Variants in TEAD1 observed in about 807,000 individuals in gnomAD.
The protein encoded by TEAD1 is TEA domain transcription factor 1, also known as transcriptional enhancer factor TEF-1.
In TEAD1, 9 loss-of-function variants were observed where a neutral mutation model predicts 54.9. That is an observed-to-expected ratio of 0.16 (90% CI 0.10 to 0.29). TEAD1 has a LOEUF of 0.29. TEAD1 is among the 10% of genes least tolerant of loss of function. TEAD1 has a pLI of 1.00. For missense variants in TEAD1, 387 were observed against 535.9 expected, an observed-to-expected ratio of 0.72 and a Z score of 2.74; for synonymous variants, 200 against 187.8, an observed-to-expected ratio of 1.07 and a Z score of -0.53.
intron 2 of TEAD1, among the ~76,000 whole-genome samples, chr11:12,677,600 C>A (rs1943124485): frequency 6.6e-6 from 1 of 152,090 alleles, no homozygotes; most frequent in Non-Finnish European, 1.5e-5. Flanking sequence ...GAATACAGAG[C>A]AACAATTATG....
chr11:12,851,494 TTTATTTTTTAAA>T (rs1343451805), intron 3 of TEAD1, among the ~76,000 whole-genome samples: 36 of 152,164 alleles, frequency 2.4e-4, no homozygotes, highest in Middle Eastern at 3.2e-3. Context: ...TGCAGTAAAA[TTTATTTTTTAAA>T]AAAATGGCTG....
At chr11:12,799,919 AAG>A (rs1946015083) in intron 3 of TEAD1, among the ~76,000 whole-genome samples, 1 of 152,166 alleles carries the variant, frequency 6.6e-6, no homozygotes, top group South Asian at 2.1e-4. Context: ...GTTTTTTTGA[AAG>A]AGAGGAGTTT....
At chr11:12,758,813 G>T (rs1470984657) in intron 2 of TEAD1, among the ~76,000 whole-genome samples, 1 of 152,162 alleles carries the variant, frequency 6.6e-6, no homozygotes, top group East Asian at 1.9e-4. Flanking sequence ...AAAGTGCTGG[G>T]ATTAGAGGCC....
At chr11:12,930,761 C>T (rs774499889) in intron 12 of TEAD1, among the ~76,000 whole-genome samples, 2 of 152,128 alleles carry the variant, frequency 1.3e-5, no homozygotes, top group Non-Finnish European at 2.9e-5. Flanking sequence ...TCAGCAGCAA[C>T]ATGGTATGCA....
chr11:12,891,982 T>C (rs1273160473), intron 9 of TEAD1, among the ~76,000 whole-genome samples: 2 of 152,118 alleles, frequency 1.3e-5, no homozygotes, highest in Admixed American at 1.3e-4. Context: ...GACGTGGATG[T>C]GGGAGTTAGC....
intron 9 of TEAD1, among the ~76,000 whole-genome samples, chr11:12,897,397 G>C (rs1948333419): frequency 6.6e-6 from 1 of 152,226 alleles, no homozygotes; most frequent in Non-Finnish European, 1.5e-5. Flanking sequence ...CCAACATACA[G>C]ATTTCTTCCT....
intron 12 of TEAD1, among the ~76,000 whole-genome samples, chr11:12,931,531 GGGACAGTGGC>G (rs1949010559): frequency 1.3e-5 from 2 of 152,238 alleles, no homozygotes; most frequent in African/African-American, 4.8e-5. Flanking sequence ...TGGTTCCATT[GGGACAGTGGC>G]TTTCAATCAG....
intron 3 of TEAD1, among the ~76,000 whole-genome samples, chr11:12,837,635 C>T (rs1590198961): frequency 2.0e-5 from 3 of 151,970 alleles, no homozygotes; most frequent in South Asian, 2.1e-4. Flanking sequence ...TTTGTGTTCA[C>T]GCATCTCTGG....
intron 3 of TEAD1, among the ~76,000 whole-genome samples, chr11:12,826,947 GGCT>G (rs1946669235): frequency 6.6e-6 from 1 of 152,094 alleles, no homozygotes; most frequent in South Asian, 2.1e-4. Context: ...TTTCCTTTGG[GGCT>G]CTTGTACTCC....
At chr11:12,834,732 G>C (rs926859243) in intron 3 of TEAD1, among the ~76,000 whole-genome samples, 17 of 81,560 alleles carry the variant, frequency 2.1e-4, no homozygotes, top group Admixed American at 9.5e-4. Context: ...AAAGTATTGG[G>C]ATTACAGAGG....
At chr11:12,717,072 T>A (rs1359086003) in intron 2 of TEAD1, among the ~76,000 whole-genome samples, 1 of 152,104 alleles carries the variant, frequency 6.6e-6, no homozygotes, top group Non-Finnish European at 1.5e-5. Context: ...CTGCATGGAT[T>A]TGTAGATCTT....
intron 3 of TEAD1, among the ~76,000 whole-genome samples, chr11:12,851,255 C>T (rs752367049): frequency 3.3e-5 from 5 of 151,988 alleles, no homozygotes; most frequent in Non-Finnish European, 5.9e-5. Flanking sequence ...AGAGAGGAAA[C>T]GGATATGTAG....
chr11:12,775,967 G>T (rs531735033), intron 3 of TEAD1, among the ~76,000 whole-genome samples: 6,311 of 147,202 alleles, frequency 0.043, 460 homozygotes, highest in African/African-American at 0.16. Flanking sequence ...GGTGTTTACT[G>T]GCGGCGGGGG....
chr11:12,783,098 T>TGTGTGTG (rs1945594174), intron 3 of TEAD1, among the ~76,000 whole-genome samples: 2 of 139,274 alleles, frequency 1.4e-5, no homozygotes, highest in South Asian at 2.3e-4. Context: ...AGGTAAGGGT[T>TGTGTGTG]TGTGTGTGTG....
intron 5 of TEAD1, among the ~76,000 whole-genome samples, chr11:12,869,061 G>A (rs1394415746): frequency 1.3e-5 from 2 of 152,214 alleles, no homozygotes; most frequent in African/African-American, 4.8e-5. Flanking sequence ...AGAGCATCAT[G>A]TAATTGGGGA....
At chr11:12,877,270 A>T (rs1398446892) in intron 5 of TEAD1, among the ~76,000 whole-genome samples, 3 of 152,170 alleles carry the variant, frequency 2.0e-5, no homozygotes, top group Non-Finnish European at 4.4e-5. Flanking sequence ...GTCATTACAG[A>T]TGTTCATAAT....
At chr11:12,682,269 G>A (rs1943238969) in intron 2 of TEAD1, among the ~76,000 whole-genome samples, 2 of 152,300 alleles carry the variant, frequency 1.3e-5, no homozygotes, top group African/African-American at 2.4e-5. Context: ...TTAAAGATAA[G>A]CCTGCACAAA....
At chr11:12,858,445 A>G (rs1269156987) in intron 3 of TEAD1, among the ~76,000 whole-genome samples, 1 of 152,222 alleles carries the variant, frequency 6.6e-6, no homozygotes, top group Non-Finnish European at 1.5e-5. Context: ...AAAATGTACA[A>G]TGAAGTAGCT....
At chr11:12,697,371 G>T (rs182896684) in intron 2 of TEAD1, among the ~76,000 whole-genome samples, 1 of 152,196 alleles carries the variant, frequency 6.6e-6, no homozygotes, top group Non-Finnish European at 1.5e-5. Flanking sequence ...GGACCCAAAG[G>T]GGTGGTGTCA....
Sources: gnomAD v4.1 joint callset for allele counts (sites outside exome capture counted in the v4.1 genomes callset) on GRCh38, gnomAD v4.1.1 for gene constraint, MANE v1.5 for transcripts, NCBI Gene and HGNC (gene_info 2026-07-23, HGNC 2026-07-21) for gene names.